Variants in MYO16 observed in about 807,000 individuals in gnomAD.
MYO16 encodes the protein unconventional myosin-XVI.
MYO16 carries 94 observed loss-of-function variants against 205.3 expected under a neutral mutation model. The ratio of observed to expected loss-of-function variants is 0.46; its 90% CI spans 0.39 to 0.54. The LOEUF is 0.54. Among genes scored for constraint, MYO16 ranks in the 20% least tolerant of loss-of-function variants. The pLI is 0.00. For synonymous variants in MYO16, 988 were observed against 954.0 expected (o/e 1.04, Z -0.66); for missense variants, 2,315 against 2,387.5 (o/e 0.97, Z 0.63).
the MYO16 span, among the ~76,000 whole-genome samples, chr13:108,569,787 A>C: frequency 1.3e-5 from 2 of 152,298 alleles, no homozygotes; most frequent in African/African-American, 4.8e-5. Context: ...GGTTTTGTGT[A>C]GATGTCCTTT....
chr13:108,873,531 C>T (rs1240816232), intron 12 of MYO16, among the ~76,000 whole-genome samples: 4 of 152,258 alleles, frequency 2.6e-5, no homozygotes, highest in Non-Finnish European at 4.4e-5. Context: ...CTGACACTAA[C>T]AACCACCACT....
chr13:108,695,770 A>G (rs1883068941), intron 2 of MYO16, among the ~76,000 whole-genome samples: 1 of 152,222 alleles, frequency 6.6e-6, no homozygotes, highest in African/African-American at 2.4e-5. Context: ...AAATTCACCA[A>G]AAATGTGTAA....
chr13:109,055,224 A>G lies in MYO16; in HGVS notation c.3129+98A>G, dbSNP rs977172246. The G allele has an allele frequency of 7.3e-6, 8 of 1,091,784 alleles. No individual in the cohort carries two copies. In the Admixed American group the frequency reaches 1.9e-4, roughly 26 times the overall value. The allele number at this position is 1,091,784 out of a possible 1,614,324, so 67.6% of individuals were successfully genotyped here. ...TTTTTCCATTTTTGACAACTTAAAT[A>G]TCTTCACAAAAAAAGTAAACATACA... On this transcript the variant is annotated intron_variant, in intron 26 of 34. Coordinates refer to ENST00000457511, the MANE Select transcript of MYO16 (RefSeq NM_001198950.3). The surrounding 1 kb of genome is among the most constrained non-coding windows in gnomAD (Gnocchi z 5.0).
Position 109,122,571 on chromosome 13 carries a change from G to A in MYO16, c.3535+2105G>A, listed in dbSNP as rs1876041578. On this transcript the variant is annotated intron_variant, in intron 29 of 34. Transcript: ENST00000457511. The stretch of plus-strand genomic sequence containing the variant: ...CGCATGCCTGTAATCCCAGCTACTC[G>A]GGAGGCTAAGGCAGGAGAACCACTT... Among the ~76,000 whole-genome samples, 4 of 151,830 alleles carry A rather than the reference G, an allele frequency of 2.6e-5. No individual in the cohort carries two copies. In the South Asian group the frequency reaches 6.2e-4, roughly 24 times the overall value.
chr13:108,521,384 T>C, the MYO16 span, among the ~76,000 whole-genome samples: 8 of 152,254 alleles, frequency 5.3e-5, no homozygotes, highest in South Asian at 2.1e-4. Context: ...TTAAATATTA[T>C]TTTGCAAGTC....
rs1313522740 is a variant in MYO16, at chr13:108,665,985, A to G, written c.128A>G (p.Lys43Arg). Reference protein sequence around the residue: ...LPLGQRQRLVKRMRCEQIKAY... With the variant: ...LPLGQRQRLVRRMRCEQIKAY... Reference sequence around the variant, plus strand: ...CTTGGCCAACGGCAGCGTCTAGTGAAGCGCATGCGCTGTGAGCAAATCAAA... The same window carrying G: ...CTTGGCCAACGGCAGCGTCTAGTGAGGCGCATGCGCTGTGAGCAAATCAAA... The change falls in exon 2 of 35, where the codon AAG becomes AGG. Residue 43 changes from lysine to arginine, a missense_variant. Transcript: ENST00000457511. 5 of 1,614,036 alleles carry G rather than the reference A, an allele frequency of 3.1e-6. No homozygotes were observed. The highest frequency in any genetic ancestry group is 1.3e-5 in the African/African-American group (1 of 74,938).
At chr13:108,746,896 C>A (rs1198026618) in intron 4 of MYO16, among the ~76,000 whole-genome samples, 1 of 151,946 alleles carries the variant, frequency 6.6e-6, no homozygotes, top group African/African-American at 2.4e-5. Context: ...AAGGGAAAAT[C>A]TTGAAAAAGC....
chr13:109,084,873 A>G (rs1888390927), intron 27 of MYO16, among the ~76,000 whole-genome samples: 1 of 152,140 alleles, frequency 6.6e-6, no homozygotes, highest in African/African-American at 2.4e-5. Context: ...AAACAGAAAA[A>G]TGACCATTTG....
At chr13:108,692,435 G>A (rs536904264) in intron 2 of MYO16, among the ~76,000 whole-genome samples, 1 of 152,192 alleles carries the variant, frequency 6.6e-6, no homozygotes, top group Non-Finnish European at 1.5e-5. Context: ...ATCAAATACT[G>A]TTGATTTTGC....
intron 9 of MYO16, among the ~76,000 whole-genome samples, chr13:108,839,969 G>GTCA (rs150155519): frequency 0.013 from 2,050 of 152,300 alleles, 38 homozygotes; most frequent in African/African-American, 0.045. Flanking sequence ...TATGGCCATA[G>GTCA]TCATGATGCT....
chr13:108,715,052 A>C (rs1171160865), intron 3 of MYO16, among the ~76,000 whole-genome samples: 1 of 152,082 alleles, frequency 6.6e-6, no homozygotes, highest in Non-Finnish European at 1.5e-5. Flanking sequence ...TCCTTCTCTC[A>C]TAAGTAAAAG....
chr13:109,158,806 CA>C (rs1878210191), intron 32 of MYO16, among the ~76,000 whole-genome samples: 1 of 152,126 alleles, frequency 6.6e-6, no homozygotes, highest in Non-Finnish European at 1.5e-5. Flanking sequence ...GAAAATAAAT[CA>C]AAGTATACGT....
At chr13:108,577,739 A>C in the MYO16 span, among the ~76,000 whole-genome samples, 4 of 152,230 alleles carry the variant, frequency 2.6e-5, no homozygotes, top group African/African-American at 9.7e-5. Flanking sequence ...TTACATTGTA[A>C]TCATTTTGAT....
the MYO16 span, among the ~76,000 whole-genome samples, chr13:108,568,437 A>G: frequency 1.3e-5 from 2 of 152,088 alleles, no homozygotes; most frequent in Non-Finnish European, 2.9e-5. Flanking sequence ...CATTTTCCTA[A>G]TAACTATATA....
At chr13:108,717,629 CAAA>C (rs59387181) in intron 3 of MYO16, among the ~76,000 whole-genome samples, 17 of 96,346 alleles carry the variant, frequency 1.8e-4, no homozygotes, top group East Asian at 8.7e-4. Context: ...GACTCCATCT[CAAA>C]AAAAAAAAAA....
chr13:108,721,727 A>C (rs894811376), intron 3 of MYO16, among the ~76,000 whole-genome samples: 1 of 152,210 alleles, frequency 6.6e-6, no homozygotes, highest in Non-Finnish European at 1.5e-5. Flanking sequence ...GAAGATATCC[A>C]AGCTTTTTTA....
At chr13:109,132,742 G>T (rs1422820878) in intron 31 of MYO16, among the ~76,000 whole-genome samples, 11 of 152,186 alleles carry the variant, frequency 7.2e-5, no homozygotes, top group Non-Finnish European at 4.4e-5. Flanking sequence ...TGAGAAATGT[G>T]TTACTGGGAA....
chr13:109,121,083 T>C (rs1201456226), intron 29 of MYO16, among the ~76,000 whole-genome samples: 1 of 151,992 alleles, frequency 6.6e-6, no homozygotes, highest in Non-Finnish European at 1.5e-5. Flanking sequence ...GAAAAATAAA[T>C]AAAATAAGAA....
At chr13:108,674,270 C>G (rs1217132648) in intron 2 of MYO16, among the ~76,000 whole-genome samples, 1 of 152,094 alleles carries the variant, frequency 6.6e-6, no homozygotes, top group Non-Finnish European at 1.5e-5. Context: ...ATTATTTAGT[C>G]CAGCTGTTTC....
Sources: gnomAD v4.1 joint callset for allele counts (sites outside exome capture counted in the v4.1 genomes callset) on GRCh38, gnomAD v4.1.1 for gene constraint, Gnocchi (gnomAD v3.1) non-coding constraint, MANE v1.5 for transcripts, NCBI Gene and HGNC (gene_info 2026-07-23, HGNC 2026-07-21) for gene names.